Variants in SRCAP observed in about 807,000 individuals in gnomAD.
SRCAP encodes Snf2 related CREBBP activator protein, also known as chromatin remodeling protein SRCAP.
A neutral mutation model predicts 263.1 loss-of-function variants in SRCAP; 46 were observed. The observed-to-expected ratio is 0.17, with a 90% confidence interval of 0.14 to 0.22. The LOEUF (loss-of-function observed/expected upper bound fraction) is 0.22. Among genes scored for constraint, SRCAP ranks in the 10% least tolerant of loss-of-function variants. SRCAP has a pLI of 1.00. For synonymous variants in SRCAP, 1,813 were observed against 1,662.1 expected (o/e 1.09, Z -2.21); for missense variants, 3,695 against 4,181.9 (o/e 0.88, Z 3.21).
chr16:30,723,332 G>C (rs375507514), intron 24 of SRCAP, 103 bp downstream of exon 24: 1 of 1,476,664 alleles, frequency 6.8e-7, no homozygotes, highest in African/African-American at 1.4e-5. Context: ...TCATATCAGC[G>C]TACTGCCTTG....
chr16:30,707,798 G>C (rs2052844074), intron 6 of SRCAP, 86 bp downstream of exon 6: 2 of 1,514,532 alleles, frequency 1.3e-6, no homozygotes, highest in Admixed American at 1.9e-5. Context: ...AACTTCTTGA[G>C]GGAGTAAATA....
intron 12 of SRCAP, 25 bp downstream of exon 12, chr16:30,712,182 T>C (rs770142335): frequency 8.1e-6 from 13 of 1,607,166 alleles, no homozygotes; most frequent in Admixed American, 1.7e-5. Flanking sequence ...TGGCCTCTCC[T>C]TTCTCATGTC....
At chr16:30,700,309 A>T (rs528281802) in intron 2 of SRCAP, among the ~76,000 whole-genome samples, 16 of 152,230 alleles carry the variant, frequency 1.1e-4, no homozygotes, top group Admixed American at 1.3e-4. Flanking sequence ...TACAAAACAG[A>T]TTATATTAGA....
Position 30,739,614 on chromosome 16 carries a change from G to A in SRCAP, c.9574G>A (p.Gly3192Ser). 6.3e-7 allele frequency: 1 copy of A among 1,590,556 alleles called. No individual in the cohort carries two copies. ...GGATGGGACCCCACGCCGACGTCCT[G>A]GCCCCCGCCGGCTTGTTGGGACCAC... ...EGDGTPRRRP[G>S]PRRLVGTTNQ... is the part of the protein sequence containing the mutation. Residue 3192 changes from glycine to serine, a missense_variant, in exon 34 of 34, where the codon GGC becomes AGC. Coordinates refer to ENST00000262518, the MANE Select transcript of SRCAP (RefSeq NM_006662.3).
intron 8 of SRCAP, 199 bp from the exon 9 acceptor site, chr16:30,710,555 C>T (rs1269805098): frequency 1.3e-5 from 10 of 773,554 alleles, no homozygotes; most frequent in Admixed American, 1.7e-5. Flanking sequence ...TTCACAGTTC[C>T]TTCCCCAGGC....
At chr16:30,734,685 G>T in intron 31 of SRCAP, 70 bp downstream of exon 31, 1 of 1,602,178 alleles carries the variant, frequency 6.2e-7, no homozygotes, top group Non-Finnish European at 8.5e-7. Flanking sequence ...TTGTTAGTCT[G>T]TTGAGCTTGT....
chr16:30,711,436 G>T, intron 10 of SRCAP, 135 bp from the exon 11 acceptor site: 1 of 872,440 alleles, frequency 1.1e-6, no homozygotes, highest in Non-Finnish European at 1.7e-6. Flanking sequence ...GATGCTGAAA[G>T]TAAGCTCTTT....
At chr16:30,714,690 C>T (rs775311828) in intron 16 of SRCAP, among the ~76,000 whole-genome samples, 25 of 151,532 alleles carry the variant, frequency 1.6e-4, no homozygotes, top group Admixed American at 1.3e-3. Context: ...TTAGTAGAGG[C>T]GGATTTCGCC....
rs1012182939 is a variant in SRCAP, at chr16:30,711,104, C to T, written c.1318+16C>T. ...GCTCGAGAAGGTGACATTTACCAGA[C>T]ATTTTACTAAGCATCCACTTGGTGT... is the stretch of plus-strand genomic sequence containing the variant. On this transcript the variant is annotated intron_variant, in intron 10 of 33. Coordinates refer to ENST00000262518, the MANE Select transcript of SRCAP (RefSeq NM_006662.3). 2.5e-6 allele frequency: 4 copies of T among 1,600,726 alleles called. No homozygotes were observed. Among genetic ancestry groups the T allele is most frequent in the African/African-American group, 2.7e-5 (2 of 74,684 alleles).
chr16:30,723,917 C>T lies in SRCAP; in HGVS notation c.4493C>T (p.Ala1498Val), dbSNP rs145894151. The change falls in exon 25 of 34, where the codon GCT (alanine) becomes GTT (valine). Residue 1498 changes from alanine (A) to valine (V), a missense_variant. Around this residue, in one of 12 missense-constraint regions of SRCAP, gnomAD observed 1,347 missense variants for 1,304.4 expected, o/e 1.03. Coordinates refer to ENST00000262518, the MANE Select transcript of SRCAP (RefSeq NM_006662.3). The stretch of plus-strand genomic sequence containing the variant: ...CCTCCCTCCTTGGCACCATCTGGTG[C>T]TTCCCCGTCAGCATCAGCCTTGACT... Reference protein sequence around the residue: ...PGPPSLAPSGASPSASALTLG... With the variant: ...PGPPSLAPSGVSPSASALTLG... 2 of 1,614,052 alleles carry T rather than the reference C, an allele frequency of 1.2e-6. No homozygotes were observed. The highest frequency in any genetic ancestry group is 1.7e-6 in the Non-Finnish European group (2 of 1,180,046).
intron 6 of SRCAP, among the ~76,000 whole-genome samples, chr16:30,708,985 AT>A (rs577633406): frequency 1.1e-3 from 173 of 152,058 alleles, no homozygotes; most frequent in East Asian, 6.6e-3. Context: ...CGCCTGGCTA[AT>A]TTTTTATTTT....
At position 30,717,610 on chromosome 16, in the gene SRCAP, C is replaced by CTTTTTT. The variant is rs34512915; in HGVS notation, c.2817+1147_2817+1152dup. ...CACGGGTATGCGCTACCAAGCCTGG[C>CTTTTTT]TTTTTTTTTTTTTTTTTTTTTGAGG... is the stretch of plus-strand genomic sequence containing the variant. On this transcript the variant is annotated intron_variant, in intron 18 of 33. Coordinates refer to ENST00000262518, the MANE Select transcript of SRCAP (RefSeq NM_006662.3). Among the ~76,000 whole-genome samples, 18 of 91,138 alleles carry CTTTTTT rather than the reference C, an allele frequency of 2.0e-4. 2 individuals carry two copies. Among genetic ancestry groups the CTTTTTT allele is most frequent in the East Asian group, 1.0e-3 (3 of 2,908 alleles). 59.8% of individuals were successfully genotyped at this position (91,138 alleles called of 152,430 possible). A position where few individuals can be genotyped will look rare whatever the true frequency, so the allele number is the denominator to read the frequency against.
chr16:30,714,044 C>G (rs1254862038), intron 16 of SRCAP, among the ~76,000 whole-genome samples: 1 of 151,102 alleles, frequency 6.6e-6, no homozygotes. Flanking sequence ...ACTACAGGCA[C>G]CCGCCACAAA....
At chr16:30,722,434 A>G (rs2053019976) in intron 22 of SRCAP, 129 bp from the exon 23 acceptor site, 2 of 1,496,984 alleles carry the variant, frequency 1.3e-6, no homozygotes, top group African/African-American at 1.4e-5. Context: ...GATCTTGGAT[A>G]AAGATAGGGA....
rs1213462979 is a variant in SRCAP, at chr16:30,733,492, C to T, written c.6297+43C>T. ...AGCTCTTAGAGGCTCACCTCCGCTT[C>T]TCTCTCCTTTTCCCAGGATTTGGGC... is the stretch of plus-strand genomic sequence containing the variant. On this transcript the variant is annotated intron_variant, in intron 28 of 33. Transcript: ENST00000262518. This position sits in a 1 kb window ranked among gnomAD's most constrained non-coding sequence, Gnocchi z 5.3. 28 of 1,611,364 alleles carry T rather than the reference C, an allele frequency of 1.7e-5. No homozygotes were observed. The highest frequency in any genetic ancestry group is 2.1e-5 in the Non-Finnish European group (25 of 1,178,144).
Position 30,710,109 on chromosome 16 carries a change from A to G in SRCAP, c.1115A>G (p.Glu372Gly), listed in dbSNP as rs747809571. 1.2e-6 allele frequency: 2 copies of G among 1,613,880 alleles called. No individual in the cohort carries two copies. The highest frequency in any genetic ancestry group is 1.7e-5 in the Admixed American group (1 of 59,994). ...RDGPEEGAEEEPPQVLEIKPP... is the reference protein window; with the variant it reads ...RDGPEEGAEEGPPQVLEIKPP... Reference sequence around the variant, plus strand: ...GGGCCTGAAGAAGGTGCTGAAGAAGAGCCCCCTCAGGTGTTGGAGGTATAG... The same window carrying G: ...GGGCCTGAAGAAGGTGCTGAAGAAGGGCCCCCTCAGGTGTTGGAGGTATAG... The change falls in exon 8 of 34, where the codon GAG becomes GGG. Residue 372 changes from glutamate to glycine, a missense_variant. Glu to Gly is a moderately conservative substitution (Grantham distance 98, BLOSUM62 -2). Coordinates refer to ENST00000262518, the MANE Select transcript of SRCAP (RefSeq NM_006662.3).
At chr16:30,734,153 G>C (rs2053137530) in intron 30 of SRCAP, 145 bp downstream of exon 30, 2 of 736,980 alleles carry the variant, frequency 2.7e-6, no homozygotes, top group East Asian at 5.5e-5. Context: ...GACCAGGCTG[G>C]CCAACATGAT....
At position 30,711,568 on chromosome 16, in the gene SRCAP, C is replaced by A; in HGVS notation, c.1319-3C>A. ...AACCAAAAGCTTTTTGTTTCTCTTC[C>A]AGGTGAGCTTTCCATGGAGGAGCTA... On this transcript the variant is annotated splice_polypyrimidine_tract_variant and splice_region_variant and intron_variant, in intron 10 of 33. Coordinates refer to ENST00000262518, the MANE Select transcript of SRCAP (RefSeq NM_006662.3). 1 of 1,582,156 alleles carries A rather than the reference C, an allele frequency of 6.3e-7. No homozygotes were observed. The highest frequency in any genetic ancestry group is 8.6e-7 in the Non-Finnish European group (1 of 1,166,884).
At chr16:30,701,494 G>A (rs553703149) in intron 3 of SRCAP, 1 of 152,148 alleles carries the variant, frequency 6.6e-6, no homozygotes, top group South Asian at 2.1e-4. Flanking sequence ...AGAAACTGGG[G>A]AAATTTGTGA....
Sources: allele counts gnomAD v4.1 joint callset (sites outside exome capture counted in the v4.1 genomes callset), GRCh38; gene constraint gnomAD v4.1.1; regional missense constraint gnomAD v4.1.1; non-coding constraint Gnocchi (gnomAD v3.1); transcripts MANE v1.5; gene names NCBI Gene and HGNC (gene_info 2026-07-23, HGNC 2026-07-21).